The following TNKS variants were observed in gnomAD, a reference collection of about 807,000 sequenced individuals.
TNKS encodes the protein tankyrase.
TNKS carries 72 observed loss-of-function variants against 135.8 expected under a neutral mutation model. The ratio of observed to expected loss-of-function variants is 0.53; its 90% CI spans 0.44 to 0.64. The LOEUF (loss-of-function observed/expected upper bound fraction) is 0.64, where lower values mean the gene tolerates loss of function less well. Among genes scored for constraint, TNKS ranks in the 30% least tolerant of loss-of-function variants. The pLI is 0.00. For missense variants in TNKS, 1,769 were observed against 1,674.0 expected, an observed-to-expected ratio of 1.06 and a Z score of -0.99; for synonymous variants, 849 against 649.3, an observed-to-expected ratio of 1.31 and a Z score of -4.68.
chr8:9,581,826 T>C lies in TNKS; in HGVS notation c.898+1443T>C, dbSNP rs147634143. On this transcript the variant is annotated intron_variant, in intron 2 of 26. Transcript: ENST00000310430. Reference sequence around the variant, plus strand: ...ATTGAAATTAGTATTTCTCGCCTCCTCCTCTTAATCCCTCTTTCAAAAGTC... The same window carrying C: ...ATTGAAATTAGTATTTCTCGCCTCCCCCTCTTAATCCCTCTTTCAAAAGTC... Among the ~76,000 whole-genome samples the C allele has an allele frequency of 2.8e-4, 43 of 152,334 alleles. No homozygotes were observed. In the East Asian group the frequency reaches 7.9e-3, roughly 28 times the overall value.
At chr8:9,685,668 C>T (rs998934625) in intron 5 of TNKS, among the ~76,000 whole-genome samples, 6 of 152,122 alleles carry the variant, frequency 3.9e-5, no homozygotes, top group Non-Finnish European at 8.8e-5. Flanking sequence ...GGAGCTTGGC[C>T]TTCCCCTCTC....
chr8:9,725,078 G>C (rs566603429), intron 12 of TNKS, among the ~76,000 whole-genome samples: 4 of 152,292 alleles, frequency 2.6e-5, no homozygotes, highest in South Asian at 4.1e-4. Context: ...CACTGTCATA[G>C]AGACATAATA....
chr8:9,589,137 G>T (rs891890235), intron 2 of TNKS, among the ~76,000 whole-genome samples: 1 of 152,126 alleles, frequency 6.6e-6, no homozygotes, highest in Non-Finnish European at 1.5e-5. Context: ...TAGAGATTTT[G>T]CTCAGTGAGA....
At position 9,706,973 on chromosome 8, in the gene TNKS, C is replaced by A; in HGVS notation, c.1432C>A (p.Pro478Thr). 6.2e-7 allele frequency: 1 copy of A among 1,606,224 alleles called. No individual in the cohort carries two copies. The change falls in exon 8 of 27, where the codon CCG (proline) becomes ACG (threonine). Residue 478 changes from proline to threonine, a missense_variant. By Grantham distance (38) the Pro-to-Thr change is conservative (BLOSUM62 -1). This residue lies in a region of TNKS where 523 missense variants were observed against 541.0 expected (regional missense o/e 0.97). Transcript: ENST00000310430. Reference sequence around the variant, plus strand: ...AAGTGCTGTGGATATGGCTCCAACTCCGGAGCTTAGGGAGAGATTGACTTG... The same window carrying A: ...AAGTGCTGTGGATATGGCTCCAACTACGGAGCTTAGGGAGAGATTGACTTG... Reference protein sequence around the residue: ...GKSAVDMAPTPELRERLTYEF... With the variant: ...GKSAVDMAPTTELRERLTYEF...
intron 1 of TNKS, among the ~76,000 whole-genome samples, chr8:9,571,459 C>T (rs1371976127): frequency 6.6e-6 from 1 of 152,058 alleles, no homozygotes; most frequent in African/African-American, 2.4e-5. Context: ...GTTGATTCCA[C>T]GTTTTTTTCT....
chr8:9,766,471 G>C, intron 25 of TNKS, 46 bp downstream of exon 25: 16 of 1,139,722 alleles, frequency 1.4e-5, no homozygotes, highest in Non-Finnish European at 1.5e-5. Flanking sequence ...CCTAGGTCAC[G>C]AACCAAATTG....
chr8:9,706,340 A>G (rs1197793262), intron 7 of TNKS, 87 bp downstream of exon 7: 1 of 1,090,734 alleles, frequency 9.2e-7, no homozygotes, highest in Non-Finnish European at 1.3e-6. Context: ...CGGCCTCATG[A>G]AAGTTTGTTT....
At chr8:9,560,132 C>T (rs1211357484) in intron 1 of TNKS, among the ~76,000 whole-genome samples, 1 of 152,012 alleles carries the variant, frequency 6.6e-6, no homozygotes, top group Non-Finnish European at 1.5e-5. Flanking sequence ...GTGATACCTC[C>T]TTAGGATGGT....
intron 17 of TNKS, 119 bp downstream of exon 17, chr8:9,735,605 C>T: frequency 1.3e-6 from 1 of 751,106 alleles, no homozygotes; most frequent in Non-Finnish European, 2.3e-6. Flanking sequence ...TCGAGACAAT[C>T]CTGGCTAACA....
intron 5 of TNKS, 147 bp from the exon 6 acceptor site, chr8:9,704,516 C>T: frequency 1.6e-6 from 1 of 613,766 alleles, no homozygotes; most frequent in Non-Finnish European, 2.8e-6. Context: ...TAAATTATCT[C>T]TCCTTAAGTT....
At chr8:9,721,309 TATAA>T (rs1349850172) in intron 12 of TNKS, among the ~76,000 whole-genome samples, 2 of 144,824 alleles carry the variant, frequency 1.4e-5, no homozygotes, top group African/African-American at 5.0e-5. Flanking sequence ...TATATATATA[TATAA>T]AATTATAAAA....
intron 2 of TNKS, among the ~76,000 whole-genome samples, chr8:9,588,335 C>T (rs1798464459): frequency 1.3e-5 from 2 of 151,896 alleles, no homozygotes; most frequent in Middle Eastern, 3.4e-3. Context: ...AGTACAATGG[C>T]GGGATCTAGG....
chr8:9,645,013 T>G (rs1800868323), intron 3 of TNKS, among the ~76,000 whole-genome samples: 1 of 152,092 alleles, frequency 6.6e-6, no homozygotes, highest in Non-Finnish European at 1.5e-5. Context: ...ATGGGTTTGG[T>G]GTATTAAATA....
At chr8:9,660,535 C>T (rs1801652596) in intron 3 of TNKS, among the ~76,000 whole-genome samples, 1 of 152,170 alleles carries the variant, frequency 6.6e-6, no homozygotes, top group African/African-American at 2.4e-5. Context: ...CAAAATTCAA[C>T]AACCTTCATG....
chr8:9,586,786 C>A (rs1013588816), intron 2 of TNKS, among the ~76,000 whole-genome samples: 8 of 141,006 alleles, frequency 5.7e-5, no homozygotes, highest in Admixed American at 4.3e-4. Flanking sequence ...GTAAATAATC[C>A]AATTGACTTG....
chr8:9,646,774 A>G (rs1800935066), intron 3 of TNKS, among the ~76,000 whole-genome samples: 1 of 152,090 alleles, frequency 6.6e-6, no homozygotes, highest in African/African-American at 2.4e-5. Flanking sequence ...TCCAGCTTCT[A>G]GGTTTTGGTG....
chr8:9,653,202 C>G (rs1801208488), intron 3 of TNKS, among the ~76,000 whole-genome samples: 1 of 152,142 alleles, frequency 6.6e-6, no homozygotes, highest in Non-Finnish European at 1.5e-5. Flanking sequence ...ATGCATGAAT[C>G]AAATTACTGT....
rs181722204 is a variant in TNKS at position 9,634,979 on chromosome 8, C to T, written c.994+19302C>T. ...GATCACGAGGTCAGGAGATCGAGAC[C>T]ACGGTGAAACCCCGTCTCTACTAAA... is the stretch of plus-strand genomic sequence containing the variant. On this transcript the variant is annotated intron_variant, in intron 3 of 26. Coordinates refer to ENST00000310430, the MANE Select transcript of TNKS (RefSeq NM_003747.3). 3.2e-3 allele frequency among the ~76,000 whole-genome samples: 488 copies of T among 151,568 alleles called. 2 individuals are homozygous for T. Among genetic ancestry groups the T allele is most frequent in the African/African-American group, 0.011 (458 of 41,326 alleles).
Position 9,577,918 on chromosome 8 carries a change from G to T in TNKS, c.674-2241G>T, listed in dbSNP as rs373776833. Among the ~76,000 whole-genome samples, 11 of 152,304 alleles carry T rather than the reference G, an allele frequency of 7.2e-5. No homozygotes were observed. The East Asian group carries it at 1.7e-3, about 24-fold the overall frequency. On this transcript the variant is annotated intron_variant, in intron 1 of 26. Coordinates refer to ENST00000310430, the MANE Select transcript of TNKS (RefSeq NM_003747.3). ...GTTAGTTAGTTACAAGATACAGTGG[G>T]CGTACAGGCATTGGCTAAATACTCA...
Sources: allele counts gnomAD v4.1 joint callset (sites outside exome capture counted in the v4.1 genomes callset), GRCh38; gene constraint gnomAD v4.1.1; regional missense constraint gnomAD v4.1.1; transcripts MANE v1.5; gene names NCBI Gene and HGNC (gene_info 2026-07-23, HGNC 2026-07-21).